KAZN: variants seen among roughly 807,000 people sequenced by gnomAD.
KAZN encodes the protein kazrin, periplakin interacting protein, also known as kazrin.
A neutral mutation model predicts 87.4 loss-of-function variants in KAZN; 40 were observed. The ratio of observed to expected loss-of-function variants is 0.46; its 90% CI spans 0.36 to 0.60. The LOEUF is 0.60. Among genes scored for constraint, KAZN ranks in the 20% least tolerant of loss-of-function variants. The pLI, the probability that KAZN is intolerant of heterozygous loss-of-function variation, is 0.00. For synonymous variants in KAZN, 466 were observed against 458.3 expected (o/e 1.02, Z -0.22); for missense variants, 898 against 1,073.9 (o/e 0.84, Z 2.29).
chr1:14,243,626 C>T (rs1394056278), intron 2 of KAZN, among the ~76,000 whole-genome samples: 4 of 152,038 alleles, frequency 2.6e-5, no homozygotes, highest in Admixed American at 6.6e-5. Context: ...TTAAGATGAC[C>T]GATCTCATGT....
intron 2 of KAZN, among the ~76,000 whole-genome samples, chr1:14,222,894 C>T (rs777657445): frequency 1.8e-4 from 28 of 152,054 alleles, no homozygotes; most frequent in African/African-American, 9.7e-5. Flanking sequence ...ATGCTCAAAG[C>T]CTTTTGTAAC....
At chr1:14,956,398 G>A (rs138440948) in intron 1 of KAZN, among the ~76,000 whole-genome samples, 13,802 of 151,200 alleles carry the variant, frequency 0.091, 2,025 homozygotes, top group African/African-American at 0.31. Context: ...TCAGGAGTTC[G>A]AGACCAGCCT....
chr1:14,119,749 A>G (rs1644710483), intron 1 of KAZN, among the ~76,000 whole-genome samples: 1 of 152,180 alleles, frequency 6.6e-6, no homozygotes. Context: ...GAAGATATAA[A>G]GGACTCTCAG....
intron 2 of KAZN, among the ~76,000 whole-genome samples, chr1:14,445,294 G>C (rs2148320753): frequency 6.6e-6 from 1 of 152,298 alleles, no homozygotes. Flanking sequence ...CCAAAGTGCT[G>C]AGATTACAGG....
At chr1:13,963,346 A>G (rs766849849) in intron 1 of KAZN, among the ~76,000 whole-genome samples, 1 of 152,160 alleles carries the variant, frequency 6.6e-6, no homozygotes, top group Non-Finnish European at 1.5e-5. Flanking sequence ...ATTTTCTAGA[A>G]CATTCAGCTC....
chr1:14,391,142 A>G (rs543348042), intron 2 of KAZN, among the ~76,000 whole-genome samples: 2 of 152,244 alleles, frequency 1.3e-5, no homozygotes, highest in South Asian at 4.1e-4. Flanking sequence ...AATACCCAGG[A>G]ATGAGGCCCC....
At chr1:13,938,467 GA>G (rs138964093) in intron 1 of KAZN, among the ~76,000 whole-genome samples, 2,491 of 152,228 alleles carry the variant, frequency 0.016, 63 homozygotes, top group African/African-American at 0.055. Flanking sequence ...TATTATTTGT[GA>G]ACAAAGATAA....
chr1:14,780,157 T>C (rs1645289691), intron 1 of KAZN, among the ~76,000 whole-genome samples: 1 of 152,222 alleles, frequency 6.6e-6, no homozygotes, highest in Non-Finnish European at 1.5e-5. Context: ...GTGTTTCTTC[T>C]TTAGGGCTTT....
At chr1:14,216,635 T>A (rs1646962116) in intron 2 of KAZN, among the ~76,000 whole-genome samples, 1 of 152,128 alleles carries the variant, frequency 6.6e-6, no homozygotes, top group African/African-American at 2.4e-5. Context: ...GCTGAGCGTG[T>A]TGGCTCATAC....
intron 2 of KAZN, among the ~76,000 whole-genome samples, chr1:14,330,379 T>C (rs1020411408): frequency 6.6e-6 from 1 of 152,158 alleles, no homozygotes; most frequent in South Asian, 2.1e-4. Flanking sequence ...AAAGTGAGGC[T>C]CCCACAATTC....
At position 14,203,825 on chromosome 1, in the gene KAZN, C is replaced by A. The variant is rs146942212; in HGVS notation, c.249+23233C>A. Among the ~76,000 whole-genome samples, 918 of 152,260 alleles carry A rather than the reference C, an allele frequency of 6.0e-3. 12 individuals carry two copies. Among genetic ancestry groups the A allele is most frequent in the African/African-American group, 0.021 (861 of 41,556 alleles). On this transcript the variant is annotated intron_variant, in intron 2 of 16. Transcript: ENST00000636203. The stretch of plus-strand genomic sequence containing the variant: ...GAGTGAAAGAATCTTTCAGTACAAT[C>A]CATTTATTTTAGTGTCCCAAATGTT...
At chr1:14,490,524 C>T (rs1669590378) in intron 2 of KAZN, among the ~76,000 whole-genome samples, 1 of 151,990 alleles carries the variant, frequency 6.6e-6, no homozygotes, top group East Asian at 1.9e-4. Context: ...GATGGAGTCT[C>T]GCTCTGTCAC....
chr1:14,684,384 C>A (rs1307774508), intron 1 of KAZN, among the ~76,000 whole-genome samples: 1 of 152,186 alleles, frequency 6.6e-6, no homozygotes, highest in Non-Finnish European at 1.5e-5. Flanking sequence ...TGCCGTTTTT[C>A]CCATCTGCAA....
chr1:14,876,239 A>G (rs193254415), intron 1 of KAZN, among the ~76,000 whole-genome samples: 20 of 152,326 alleles, frequency 1.3e-4, no homozygotes, highest in Admixed American at 8.5e-4. Flanking sequence ...GATCTGCACA[A>G]TCACAGCCTC....
intron 1 of KAZN, among the ~76,000 whole-genome samples, chr1:14,700,639 C>T (rs1444156392): frequency 6.6e-6 from 1 of 152,036 alleles, no homozygotes; most frequent in Non-Finnish European, 1.5e-5. Flanking sequence ...CCACCTTCTG[C>T]TTGAAAATGT....
At chr1:14,285,491 A>C (rs1276437403) in intron 2 of KAZN, among the ~76,000 whole-genome samples, 4 of 152,152 alleles carry the variant, frequency 2.6e-5, no homozygotes, top group Non-Finnish European at 5.9e-5. Flanking sequence ...GTGAGATAGC[A>C]TGTGGATCCA....
At chr1:14,807,433 G>C in intron 1 of KAZN, among the ~76,000 whole-genome samples, 1 of 152,108 alleles carries the variant, frequency 6.6e-6, no homozygotes, top group South Asian at 2.1e-4. Context: ...ACTGACTCTG[G>C]TCAACATGAT....
intron 1 of KAZN, among the ~76,000 whole-genome samples, chr1:14,714,497 C>T (rs918656101): frequency 2.4e-4 from 36 of 152,146 alleles, no homozygotes; most frequent in African/African-American, 7.5e-4. Flanking sequence ...ATAATTAAGG[C>T]GGAAGTCCAC....
At chr1:14,000,177 G>A (rs922813001) in intron 1 of KAZN, among the ~76,000 whole-genome samples, 1 of 152,142 alleles carries the variant, frequency 6.6e-6, no homozygotes, top group Non-Finnish European at 1.5e-5. Context: ...GAAAAGCAGA[G>A]ACTCCTCCTG....
Sources: gnomAD v4.1 joint callset for allele counts (sites outside exome capture counted in the v4.1 genomes callset) on GRCh38, gnomAD v4.1.1 for gene constraint, MANE v1.5 for transcripts, NCBI Gene and HGNC (gene_info 2026-07-23, HGNC 2026-07-21) for gene names.